FAM184B: variants seen among roughly 807,000 people sequenced by gnomAD.
FAM184B encodes family with sequence similarity 184 member B.
A neutral mutation model predicts 135.9 loss-of-function variants in FAM184B; 111 were observed. That is an observed-to-expected ratio of 0.82 (90% confidence interval 0.70 to 0.96). The LOEUF (loss-of-function observed/expected upper bound fraction) is 0.96. Ranked by LOEUF, FAM184B falls within the 40% of genes least tolerant of loss-of-function variation. The pLI is 0.00. For missense variants in FAM184B, 1,375 were observed against 1,323.9 expected (o/e 1.04, Z -0.60); for synonymous variants, 552 against 524.8 (o/e 1.05, Z -0.71).
chr4:17,697,303 C>T (rs1278978865), intron 5 of FAM184B, among the ~76,000 whole-genome samples: 1 of 152,158 alleles, frequency 6.6e-6, no homozygotes, highest in Non-Finnish European at 1.5e-5. Flanking sequence ...TGCTGATCAC[C>T]TGCATGATAC....
intron 1 of FAM184B, among the ~76,000 whole-genome samples, chr4:17,746,810 G>A (rs979872039): frequency 4.0e-5 from 6 of 151,850 alleles, no homozygotes; most frequent in Admixed American, 6.6e-5. Flanking sequence ...GGCTGAGGCG[G>A]GCGGATCACC....
rs1717205888 is a variant in FAM184B, at chr4:17,709,549, T to C, written c.237A>G (p.Ala79=). The C allele has an allele frequency of 1.3e-6, 2 of 1,550,846 alleles. No homozygotes were observed. Among genetic ancestry groups the C allele is most frequent in the Non-Finnish European group, 8.7e-7 (1 of 1,146,938 alleles). Residue 79 remains alanine, a synonymous_variant, in exon 2 of 18, where the codon GCA becomes GCG. Coordinates refer to ENST00000265018, the MANE Select transcript of FAM184B (RefSeq NM_015688.2). ...CCTGCAGGAGCCTGGCCTTGGTCTC[T>C]GCCACCGCATTCTGGAGCTCCTCCT... The part of the protein sequence containing the change: ...AHQEELQNAV[A]ETKARLLQEQ...
chr4:17,635,889 C>G (rs1178016902), intron 15 of FAM184B, among the ~76,000 whole-genome samples: 2 of 152,134 alleles, frequency 1.3e-5, no homozygotes, highest in African/African-American at 4.8e-5. Context: ...AAGTAGAAAA[C>G]AGGTGGTCAT....
chr4:17,731,801 C>G (rs1424400643), intron 1 of FAM184B, among the ~76,000 whole-genome samples: 1 of 151,950 alleles, frequency 6.6e-6, no homozygotes, highest in Admixed American at 6.6e-5. Context: ...AAAAGGATAC[C>G]CAGGAATTGA....
intron 11 of FAM184B, among the ~76,000 whole-genome samples, 152 bp downstream of exon 11, chr4:17,652,678 C>A (rs1715653060): frequency 6.7e-6 from 1 of 150,320 alleles, no homozygotes; most frequent in East Asian, 2.0e-4. Context: ...AATCTGAGAG[C>A]CCTGGAGCCC....
At chr4:17,663,615 AACACAC>A (rs113627829) in intron 8 of FAM184B, among the ~76,000 whole-genome samples, 66,625 of 150,224 alleles carry the variant, frequency 0.44, 16,632 homozygotes, top group East Asian at 0.81. Flanking sequence ...TCCCATTCAC[AACACAC>A]ACACACACAC....
chr4:17,764,607 G>A (rs546801461), intron 1 of FAM184B, among the ~76,000 whole-genome samples: 1 of 152,194 alleles, frequency 6.6e-6, no homozygotes, highest in South Asian at 2.1e-4. Context: ...GTCCTCAAAA[G>A]TTTAACAGCG....
At chr4:17,707,625 G>A (rs1354630690) in intron 3 of FAM184B, 24 bp downstream of exon 3, 1 of 1,550,704 alleles carries the variant, frequency 6.4e-7, no homozygotes. Context: ...GGTCTTTTAA[G>A]GAAATCATTC....
chr4:17,762,600 A>G (rs1425045508), intron 1 of FAM184B, among the ~76,000 whole-genome samples: 1 of 152,234 alleles, frequency 6.6e-6, no homozygotes, highest in Non-Finnish European at 1.5e-5. Context: ...TCGATCGACC[A>G]AAGCAAGTTG....
intron 1 of FAM184B, among the ~76,000 whole-genome samples, chr4:17,763,699 G>A (rs986584863): frequency 6.6e-6 from 1 of 152,086 alleles, no homozygotes; most frequent in Non-Finnish European, 1.5e-5. Context: ...TTATTCAGAG[G>A]CCATCCTTCT....
In FAM184B at chr4:17,781,126, TG is replaced by T; in HGVS notation, c.141+32del. 6.8e-7 allele frequency: 1 copy of T among 1,480,138 alleles called. No individual in the cohort carries two copies. The allele number at this position is 1,480,138 out of a possible 1,614,324, so 91.7% of individuals were successfully genotyped here. On this transcript the variant is annotated intron_variant, in intron 1 of 17. Transcript: ENST00000265018. This position sits in a 1 kb window ranked among gnomAD's most constrained non-coding sequence, Gnocchi z 6.5. ...ACTCCCGGCTCGGGCGCCCCGGGCGTGCAGCTCGCTGGCCCGCTGCGCCCCA... is the reference window on the plus strand; with the variant it reads ...ACTCCCGGCTCGGGCGCCCCGGGCGTCAGCTCGCTGGCCCGCTGCGCCCCA...
At chr4:17,772,989 G>A (rs1241845109) in intron 1 of FAM184B, among the ~76,000 whole-genome samples, 1 of 152,094 alleles carries the variant, frequency 6.6e-6, no homozygotes, top group Non-Finnish European at 1.5e-5. Flanking sequence ...CCTTTGCAGT[G>A]GAAAAAATAG....
intron 12 of FAM184B, 148 bp downstream of exon 12, chr4:17,647,489 G>T (rs528658189): frequency 7.3e-6 from 7 of 963,930 alleles, no homozygotes; most frequent in Non-Finnish European, 1.0e-5. Context: ...GCCTCAAGTG[G>T]TTCTCTGGCT....
chr4:17,736,072 C>T (rs1442268346), intron 1 of FAM184B, among the ~76,000 whole-genome samples: 2 of 152,188 alleles, frequency 1.3e-5, no homozygotes. Flanking sequence ...AGGTGGCAGG[C>T]ACTGAGGCAA....
At chr4:17,707,894 G>T (rs781231468) in intron 2 of FAM184B, 110 bp from the exon 3 acceptor site, 11 of 1,257,674 alleles carry the variant, frequency 8.7e-6, no homozygotes, top group Non-Finnish European at 1.2e-5. Context: ...CACAGCAGAA[G>T]CCCTGAGTCA....
chr4:17,652,971 G>A lies in FAM184B; in HGVS notation c.2050C>T (p.Arg684Cys), dbSNP rs191859569. ...RHQELKATEE[R>C]LKKESSHSLQ... ...CTGTGGCTGGATTCCTTCTTCAAGC[G>A]TTCCTCTGTGGCCTGTGGGAAAAAG... The change falls in exon 11 of 18, where the codon CGC (arginine) becomes TGC (cysteine). Residue 684 changes from arginine to cysteine, a missense_variant. Arg to Cys is a radical substitution (Grantham distance 180). Coordinates refer to ENST00000265018, the MANE Select transcript of FAM184B (RefSeq NM_015688.2). 1,838 of 1,551,676 alleles carry A rather than the reference G, an allele frequency of 1.2e-3. 7 individuals carry two copies. The highest frequency in any genetic ancestry group is 1.1e-3 in the Non-Finnish European group (1,250 of 1,146,966).
At position 17,645,502 on chromosome 4, in the gene FAM184B, G is replaced by A. The variant is rs908770522; in HGVS notation, c.2346+2135C>T. On this transcript the variant is annotated intron_variant, in intron 12 of 17. Transcript: ENST00000265018. ...AAGGATCCCCTATTTAATAAATGGTGCTGGGAAAACTGGCTAGCCATATGT... is the reference window on the plus strand; with the variant it reads ...AAGGATCCCCTATTTAATAAATGGTACTGGGAAAACTGGCTAGCCATATGT... 1.2e-3 allele frequency among the ~76,000 whole-genome samples: 177 copies of A among 152,270 alleles called. 3 individuals carry two copies. In the South Asian group the frequency reaches 0.025, roughly 21 times the overall value.
chr4:17,642,204 C>A lies in FAM184B; in HGVS notation c.2371G>T (p.Gly791Cys). ...TGCCCAGCAGCGCCCGGTGGGGAGCCGGCCTGGCCCGGGCCGCCCCGCTCC... is the reference window on the plus strand; with the variant it reads ...TGCCCAGCAGCGCCCGGTGGGGAGCAGGCCTGGCCCGGGCCGCCCCGCTCC... ...TEERGGPGQA[G>C]SPPGAAGQGS... The change falls in exon 13 of 18, where the codon GGC (glycine) becomes TGC (cysteine). Residue 791 changes from glycine (G) to cysteine (C), a missense_variant. Coordinates refer to ENST00000265018, the MANE Select transcript of FAM184B (RefSeq NM_015688.2). 1 of 1,514,870 alleles carries A rather than the reference C, an allele frequency of 6.6e-7. No homozygotes were observed. Among genetic ancestry groups the A allele is most frequent in the Non-Finnish European group, 8.8e-7 (1 of 1,138,850 alleles). The allele number at this position is 1,514,870 out of a possible 1,614,324, so 93.8% of individuals were successfully genotyped here.
At chr4:17,656,625 C>T (rs760471290) in intron 10 of FAM184B, among the ~76,000 whole-genome samples, 11 of 152,152 alleles carry the variant, frequency 7.2e-5, no homozygotes, top group South Asian at 2.1e-4. Context: ...TGGTCTTGAA[C>T]GCCTGGCCTC....
Sources: gnomAD v4.1 joint callset for allele counts (sites outside exome capture counted in the v4.1 genomes callset) on GRCh38, gnomAD v4.1.1 for gene constraint, Gnocchi (gnomAD v3.1) non-coding constraint, MANE v1.5 for transcripts, NCBI Gene and HGNC (gene_info 2026-07-23, HGNC 2026-07-21) for gene names.